Variants in PAN3 observed in about 807,000 individuals in gnomAD.
PAN3 encodes poly(A) specific ribonuclease subunit PAN3, also known as PAN2-PAN3 deadenylation complex subunit PAN3.
PAN3 carries 19 observed loss-of-function variants against 96.2 expected under a neutral mutation model. That is an observed-to-expected ratio of 0.20 (90% CI 0.14 to 0.29). The LOEUF is 0.29. Ranked by LOEUF, PAN3 falls within the 10% of genes least tolerant of loss-of-function variation. PAN3 has a pLI of 1.00. For synonymous variants in PAN3, 433 were observed against 406.6 expected (o/e 1.06, Z -0.78); for missense variants, 882 against 1,108.1 (o/e 0.80, Z 2.90).
At chr13:28,276,277 A>G (rs1887055575) in intron 14 of PAN3, among the ~76,000 whole-genome samples, 1 of 152,236 alleles carries the variant, frequency 6.6e-6, no homozygotes, top group Non-Finnish European at 1.5e-5. Flanking sequence ...ACGAATGTTC[A>G]GTAAATGAAC....
intron 1 of PAN3, among the ~76,000 whole-genome samples, chr13:28,144,203 GTTTTTTTGTTTTT>G (rs1208788843): frequency 6.3e-4 from 81 of 129,022 alleles, no homozygotes; most frequent in African/African-American, 2.4e-3. Flanking sequence ...GTTTCGATAA[GTTTTTTTGTTTTT>G]TTTTTTTTTT....
chr13:28,150,532 G>A (rs941601438), intron 1 of PAN3, among the ~76,000 whole-genome samples: 3 of 151,680 alleles, frequency 2.0e-5, no homozygotes, highest in Admixed American at 6.6e-5. Flanking sequence ...AGCTACTCGG[G>A]AGGCTGAGGC....
chr13:28,150,753 A>G (rs1356870678), intron 1 of PAN3, among the ~76,000 whole-genome samples: 1 of 152,172 alleles, frequency 6.6e-6, no homozygotes, highest in Non-Finnish European at 1.5e-5. Context: ...AGATTAATTC[A>G]TTTAATTGGT....
chr13:28,160,969 ATAAT>A (rs1435851070), intron 1 of PAN3, among the ~76,000 whole-genome samples: 3 of 152,206 alleles, frequency 2.0e-5, no homozygotes, highest in African/African-American at 7.2e-5. Flanking sequence ...AATCCTTGTA[ATAAT>A]TTCTTCGAAT....
intron 1 of PAN3, among the ~76,000 whole-genome samples, chr13:28,155,308 A>G (rs955817524): frequency 5.3e-5 from 8 of 151,950 alleles, no homozygotes; most frequent in South Asian, 2.1e-4. Context: ...ATACAAAGAC[A>G]TATCAGGCCG....
At chr13:28,183,263 T>G (rs887423244) in intron 4 of PAN3, among the ~76,000 whole-genome samples, 3 of 152,204 alleles carry the variant, frequency 2.0e-5, no homozygotes, top group Admixed American at 6.5e-5. Context: ...TTTAGGTTCT[T>G]TATGTATGTT....
At chr13:28,275,906 A>C (rs1887016506) in intron 14 of PAN3, among the ~76,000 whole-genome samples, 1 of 152,200 alleles carries the variant, frequency 6.6e-6, no homozygotes. Context: ...CAGATTCACA[A>C]ATGCTAGTTT....
intron 5 of PAN3, among the ~76,000 whole-genome samples, chr13:28,206,738 GT>G (rs200990694): frequency 2.6e-3 from 380 of 143,558 alleles, no homozygotes; most frequent in Non-Finnish European, 3.6e-3. Flanking sequence ...TTATTAGTGG[GT>G]TTTTTTTTTT....
intron 1 of PAN3, among the ~76,000 whole-genome samples, chr13:28,145,323 C>CT (rs1039776069): frequency 1.3e-5 from 2 of 151,686 alleles, no homozygotes; most frequent in African/African-American, 2.4e-5. Flanking sequence ...AATTTTTTGA[C>CT]TTTTTTTTGA....
chr13:28,231,766 G>C (rs1190898690), intron 6 of PAN3, among the ~76,000 whole-genome samples: 1 of 152,138 alleles, frequency 6.6e-6, no homozygotes, highest in East Asian at 1.9e-4. Context: ...GGCAGGTATG[G>C]TGGCACACAC....
At chr13:28,283,854 T>G (rs1418359718) in intron 17 of PAN3, among the ~76,000 whole-genome samples, 3 of 152,176 alleles carry the variant, frequency 2.0e-5, no homozygotes, top group Non-Finnish European at 4.4e-5. Flanking sequence ...CCAGAGTGTG[T>G]GCTCCTAACC....
At chr13:28,211,328 G>A (rs1283231332) in intron 5 of PAN3, among the ~76,000 whole-genome samples, 1 of 152,086 alleles carries the variant, frequency 6.6e-6, no homozygotes, top group Non-Finnish European at 1.5e-5. Flanking sequence ...GCTCATTGCT[G>A]TTGCCTAGTC....
chr13:28,270,573 A>G (rs1245465353), intron 12 of PAN3, 128 bp from the exon 13 acceptor site: 2 of 927,588 alleles, frequency 2.2e-6, no homozygotes, highest in Non-Finnish European at 3.2e-6. Flanking sequence ...ATACATACAC[A>G]CACATATATA....
chr13:28,275,983 CATT>C (rs1343637117), intron 14 of PAN3, among the ~76,000 whole-genome samples: 1 of 152,064 alleles, frequency 6.6e-6, no homozygotes, highest in Non-Finnish European at 1.5e-5. Context: ...TCTTTTTACT[CATT>C]ATTTGGGTAG....
chr13:28,278,902 AATG>A (rs985988741), intron 15 of PAN3, among the ~76,000 whole-genome samples: 2 of 152,066 alleles, frequency 1.3e-5, no homozygotes, highest in African/African-American at 4.8e-5. Flanking sequence ...TATCCACAAA[AATG>A]ATGACTACTA....
At chr13:28,286,430 GC>G (rs771787141) in intron 17 of PAN3, among the ~76,000 whole-genome samples, 3 of 152,200 alleles carry the variant, frequency 2.0e-5, no homozygotes, top group Non-Finnish European at 2.9e-5. Context: ...TTATCTGTTT[GC>G]TGTTTATAGA....
intron 5 of PAN3, among the ~76,000 whole-genome samples, chr13:28,204,898 TG>T (rs1442132346): frequency 6.6e-6 from 1 of 152,244 alleles, no homozygotes; most frequent in African/African-American, 2.4e-5. Flanking sequence ...TAAGAACTGT[TG>T]GACTGTGCAT....
At position 28,156,435 on chromosome 13, in the gene PAN3, A is replaced by G. The variant is rs1023883077; in HGVS notation, c.430+17348A>G. Among the ~76,000 whole-genome samples, 50 of 152,174 alleles carry G rather than the reference A, an allele frequency of 3.3e-4. 1 individual carries two copies. The highest frequency in any genetic ancestry group is 2.1e-4 in the Non-Finnish European group (14 of 68,030). On this transcript the variant is annotated intron_variant, in intron 1 of 18. Coordinates refer to ENST00000380958, the MANE Select transcript of PAN3 (RefSeq NM_175854.8). ...AATAAAAAACCTACCAACCAGAAAA[A>G]GCCCAGGACCAAATGGATTCAAAGC...
intron 5 of PAN3, among the ~76,000 whole-genome samples, chr13:28,207,243 C>A (rs1050724932): frequency 2.6e-5 from 4 of 152,142 alleles, no homozygotes; most frequent in African/African-American, 9.7e-5. Context: ...CACTTCCTTA[C>A]CTGCCATATC....
Sources: gnomAD v4.1 joint callset for allele counts (sites outside exome capture counted in the v4.1 genomes callset) on GRCh38, gnomAD v4.1.1 for gene constraint, MANE v1.5 for transcripts, NCBI Gene and HGNC (gene_info 2026-07-23, HGNC 2026-07-21) for gene names.